The following CBFB variants were observed in gnomAD, a reference collection of about 807,000 sequenced individuals.
CBFB encodes CBF-beta.
CBFB carries 9 observed loss-of-function variants against 30.4 expected under a neutral mutation model. That is an observed-to-expected ratio of 0.30 (90% CI 0.18 to 0.52). CBFB has a LOEUF of 0.52. Ranked by LOEUF, CBFB falls within the 20% of genes least tolerant of loss-of-function variation. The pLI is 0.97. For synonymous variants in CBFB, 94 were observed against 84.0 expected (o/e 1.12, Z -0.65); for missense variants, 170 against 244.0 (o/e 0.70, Z 2.02).
At chr16:67,076,968 A>T (rs946920135) in intron 4 of CBFB, among the ~76,000 whole-genome samples, 1 of 152,034 alleles carries the variant, frequency 6.6e-6, no homozygotes, top group Admixed American at 6.6e-5. Flanking sequence ...AACTATGGAT[A>T]TATAAAGATA....
At chr16:67,058,681 C>G (rs538227779) in intron 3 of CBFB, among the ~76,000 whole-genome samples, 1 of 152,098 alleles carries the variant, frequency 6.6e-6, no homozygotes, top group Non-Finnish European at 1.5e-5. Flanking sequence ...GAAAAAAATT[C>G]TAGATTCTAG....
chr16:67,036,791 G>T, intron 3 of CBFB, 36 bp downstream of exon 3: 1 of 1,194,634 alleles, frequency 8.4e-7, no homozygotes, highest in South Asian at 1.2e-5. Context: ...AAATACTGTG[G>T]GTTGTTTTGT....
At chr16:67,058,379 G>A (rs922775477) in intron 3 of CBFB, among the ~76,000 whole-genome samples, 2 of 152,164 alleles carry the variant, frequency 1.3e-5, no homozygotes, top group African/African-American at 4.8e-5. Context: ...GACCTCAAGT[G>A]ATCCACCCAC....
At chr16:67,057,111 T>C (rs1042970701) in intron 3 of CBFB, among the ~76,000 whole-genome samples, 7 of 151,604 alleles carry the variant, frequency 4.6e-5, no homozygotes, top group Non-Finnish European at 7.4e-5. Context: ...GCCTCCCGAG[T>C]TGGTGGGATT....
At chr16:67,094,098 A>G (rs1961973736) in intron 5 of CBFB, among the ~76,000 whole-genome samples, 1 of 140,102 alleles carries the variant, frequency 7.1e-6, no homozygotes, top group Non-Finnish European at 1.6e-5. Flanking sequence ...TCTCATTTGT[A>G]CTGTTAGACT....
chr16:67,048,459 AT>A (rs1428894918), intron 3 of CBFB, among the ~76,000 whole-genome samples: 1 of 152,208 alleles, frequency 6.6e-6, no homozygotes, highest in Non-Finnish European at 1.5e-5. Flanking sequence ...TTTAAAAGCT[AT>A]TTATAAAATA....
intron 5 of CBFB, among the ~76,000 whole-genome samples, chr16:67,083,289 AT>A (rs1378323221): frequency 3.3e-5 from 5 of 151,286 alleles, no homozygotes. Context: ...AAAAGTAATC[AT>A]TATTTTGATT....
chr16:67,067,459 G>A (rs1216624044), intron 4 of CBFB, among the ~76,000 whole-genome samples: 7 of 152,220 alleles, frequency 4.6e-5, no homozygotes, highest in East Asian at 1.9e-4. Flanking sequence ...CAGAGATTGC[G>A]GTGAGCCGAG....
intron 3 of CBFB, among the ~76,000 whole-genome samples, chr16:67,058,084 G>A (rs1410737445): frequency 1.3e-5 from 2 of 152,182 alleles, no homozygotes; most frequent in Non-Finnish European, 2.9e-5. Flanking sequence ...GTCATTTGTA[G>A]TCTTTCCAGT....
chr16:67,059,515 C>T (rs1331156999), intron 3 of CBFB, among the ~76,000 whole-genome samples: 1 of 152,148 alleles, frequency 6.6e-6, no homozygotes, highest in East Asian at 1.9e-4. Flanking sequence ...TACATTTTTG[C>T]GCAGCGACGT....
intron 5 of CBFB, among the ~76,000 whole-genome samples, chr16:67,095,672 C>T (rs542549368): frequency 1.3e-5 from 2 of 150,076 alleles, no homozygotes; most frequent in African/African-American, 4.9e-5. Flanking sequence ...GCCTGGGCAA[C>T]ACAGCAAGAC....
At chr16:67,072,217 T>C (rs1240171118) in intron 4 of CBFB, among the ~76,000 whole-genome samples, 1 of 152,212 alleles carries the variant, frequency 6.6e-6, no homozygotes. Context: ...TTTATTATAT[T>C]GCTAGCCCTA....
At chr16:67,074,098 G>A (rs1432363588) in intron 4 of CBFB, among the ~76,000 whole-genome samples, 1 of 152,120 alleles carries the variant, frequency 6.6e-6, no homozygotes, top group Non-Finnish European at 1.5e-5. Context: ...GAAAATCTAA[G>A]ATAATTTACA....
intron 3 of CBFB, among the ~76,000 whole-genome samples, chr16:67,046,313 C>G (rs1966626761): frequency 6.6e-6 from 1 of 152,104 alleles, no homozygotes; most frequent in Non-Finnish European, 1.5e-5. Flanking sequence ...GTTGCCCAGG[C>G]TGGTCTCAAA....
chr16:67,075,340 T>C (rs1961363873), intron 4 of CBFB, among the ~76,000 whole-genome samples: 1 of 152,066 alleles, frequency 6.6e-6, no homozygotes, highest in African/African-American at 2.4e-5. Context: ...ACAAACAGGC[T>C]ATGCAAATGA....
At chr16:67,030,398 T>C (rs909389991) in intron 2 of CBFB, among the ~76,000 whole-genome samples, 1 of 152,144 alleles carries the variant, frequency 6.6e-6, no homozygotes, top group Non-Finnish European at 1.5e-5. Flanking sequence ...GTAGGGCTGC[T>C]GTTCCTAAAA....
rs146294264 is a variant in CBFB at position 67,033,572 on chromosome 16, A to G, written c.166-3067A>G. ...TGGCCTCAAGTGATGTGCCTGCCTC[A>G]GTGAGCCACTGCACCCAGCCTTGAT... is the stretch of plus-strand genomic sequence containing the variant. On this transcript the variant is annotated intron_variant, in intron 2 of 5. Coordinates refer to ENST00000412916, the MANE Select transcript of CBFB (RefSeq NM_022845.3). 5.7e-3 allele frequency among the ~76,000 whole-genome samples: 861 copies of G among 150,742 alleles called. 3 individuals are homozygous for G. Among genetic ancestry groups the G allele is most frequent in the African/African-American group, 0.02 (804 of 41,096 alleles).
At chr16:67,029,941 A>G in intron 2 of CBFB, 128 bp downstream of exon 2, 2 of 538,408 alleles carry the variant, frequency 3.7e-6, no homozygotes, top group Non-Finnish European at 6.1e-6. Flanking sequence ...CTCACTTCCT[A>G]CTCGGGATTC....
At chr16:67,089,176 TTA>T (rs1199923073) in intron 5 of CBFB, among the ~76,000 whole-genome samples, 1 of 152,208 alleles carries the variant, frequency 6.6e-6, no homozygotes, top group Non-Finnish European at 1.5e-5. Flanking sequence ...GAAGCATTGT[TTA>T]TGTTAGTAAC....
Sources: allele counts gnomAD v4.1 joint callset (sites outside exome capture counted in the v4.1 genomes callset), GRCh38; gene constraint gnomAD v4.1.1; transcripts MANE v1.5; gene names NCBI Gene and HGNC (gene_info 2026-07-23, HGNC 2026-07-21).